OXNAD1: variants seen among roughly 807,000 people sequenced by gnomAD.
OXNAD1 encodes oxidoreductase NAD binding domain containing 1.
In OXNAD1, 34 loss-of-function variants were observed where a neutral mutation model predicts 32.9. That is an observed-to-expected ratio of 1.03 (90% CI 0.79 to 1.38). The LOEUF is 1.38. OXNAD1 is among the 40% of genes most tolerant of loss of function. The pLI is 0.00. For missense variants in OXNAD1, 407 were observed against 379.4 expected (o/e 1.07, Z -0.60); for synonymous variants, 134 against 135.2 (o/e 0.99, Z 0.06).
rs1029445002 is a variant in OXNAD1 at position 16,326,636 on chromosome 3, C to T, written c.*31-10476C>T. Reference sequence around the variant, plus strand: ...ATGTGAAATTCTGGCTCTGCTGCTTCCCAGTGGGAGAGTTTACATAACTAC... The same window carrying T: ...ATGTGAAATTCTGGCTCTGCTGCTTTCCAGTGGGAGAGTTTACATAACTAC... On this transcript the variant is annotated intron_variant, in intron 9 of 9. Coordinates refer to the OXNAD1 transcript ENST00000435829. 11 of 655,486 alleles carry T rather than the reference C, an allele frequency of 1.7e-5. No homozygotes were observed. The Admixed American group carries it at 2.9e-4, about 17-fold the overall frequency. 40.6% of individuals were successfully genotyped at this position (655,486 alleles called of 1,614,324 possible).
rs1330250175 is a variant in OXNAD1, at chr3:16,320,167, T to A, written c.*30+16575T>A. ...TAAAAACTGCCCATGATGTGTCCACTTCAAGTAGTTTAGCTGGAAGGAAGT... is the reference window on the plus strand; with the variant it reads ...TAAAAACTGCCCATGATGTGTCCACATCAAGTAGTTTAGCTGGAAGGAAGT... On this transcript the variant is annotated intron_variant, in intron 9 of 9. Coordinates refer to the OXNAD1 transcript ENST00000435829. This position sits in a 1 kb window ranked among gnomAD's most constrained non-coding sequence, Gnocchi z 4.5. Among the ~76,000 whole-genome samples the A allele has an allele frequency of 6.6e-6, 1 of 152,242 alleles. No individual in the cohort carries two copies. Among genetic ancestry groups the A allele is most frequent in the Non-Finnish European group, 1.5e-5 (1 of 68,032 alleles).
Position 16,317,260 on chromosome 3 carries a change from T to C in OXNAD1, c.*30+13668T>C. ...AGAAATCAGAAAGGATGGGGATAAA[T>C]AACAAGCCTCCGGGAACCCAGAGCT... On this transcript the variant is annotated intron_variant, in intron 9 of 9. Transcript: ENST00000435829. This position sits in a 1 kb window ranked among gnomAD's most constrained non-coding sequence, Gnocchi z 4.3. 1 of 1,606,138 alleles carries C rather than the reference T, an allele frequency of 6.2e-7. No individual in the cohort carries two copies. Among genetic ancestry groups the C allele is most frequent in the Non-Finnish European group, 8.5e-7 (1 of 1,179,354 alleles).
In OXNAD1 at chr3:16,302,872, G is replaced by A; in HGVS notation, c.784+124G>A. The A allele has an allele frequency of 4.0e-6, 3 of 740,936 alleles. No individual in the cohort carries two copies. In the South Asian group the frequency reaches 4.9e-5, roughly 12 times the overall value. The allele number at this position is 740,936 out of a possible 1,614,324, so 45.9% of individuals were successfully genotyped here. On this transcript the variant is annotated intron_variant, in intron 8 of 8. Transcript: ENST00000285083. The surrounding 1 kb of genome is among the most constrained non-coding windows in gnomAD (Gnocchi z 4.2). ...TGGGAATGTCACTATCTGGGGAATT[G>A]GGATGATTCCTCATGGAAAAATGGA... is the stretch of plus-strand genomic sequence containing the variant.
At chr3:16,270,787 G>A (rs979430843) in intron 2 of OXNAD1, 158 bp from the exon 3 acceptor site, 1 of 973,212 alleles carries the variant, frequency 1.0e-6, no homozygotes, top group Admixed American at 2.9e-5. Context: ...CAGAAATTTT[G>A]TCAAGGTGAA....
rs2067216312 is a variant in OXNAD1 at position 16,301,947 on chromosome 3, G to C, written c.675+79G>C. On this transcript the variant is annotated intron_variant, in intron 7 of 8. Transcript: ENST00000285083. The surrounding 1 kb of genome is among the most constrained non-coding windows in gnomAD (Gnocchi z 4.1). ...CATGAAAGTTTTTTCTCTAGGTTTTGTTTTCTCTGCAAAGGTTCAAACAAA... is the reference window on the plus strand; with the variant it reads ...CATGAAAGTTTTTTCTCTAGGTTTTCTTTTCTCTGCAAAGGTTCAAACAAA... 3 of 1,525,422 alleles carry C rather than the reference G, an allele frequency of 2.0e-6. No homozygotes were observed. Among genetic ancestry groups the C allele is most frequent in the Non-Finnish European group, 2.6e-6 (3 of 1,134,444 alleles). The allele number at this position is 1,525,422 out of a possible 1,614,324, so 94.5% of individuals were successfully genotyped here.
rs2125082109 is a variant in OXNAD1 at position 16,298,469 on chromosome 3, A to G, written c.433-3157A>G. ...AGGCTGTAGAAAATCTCAAAGTGTT[A>G]TTGCCTGAATGCACATCCTAATTGT... On this transcript the variant is annotated intron_variant, in intron 6 of 8. Transcript: ENST00000285083. This position sits in a 1 kb window ranked among gnomAD's most constrained non-coding sequence, Gnocchi z 5.1. Among the ~76,000 whole-genome samples the G allele has an allele frequency of 6.6e-6, 1 of 152,212 alleles. No individual in the cohort carries two copies. Among genetic ancestry groups the G allele is most frequent in the East Asian group, 1.9e-4 (1 of 5,180 alleles).
At position 16,334,029 on chromosome 3, in the gene OXNAD1, G is replaced by A. The variant is rs1196489092; in HGVS notation, c.*31-3083G>A. ...AAATTTAAAAAATTAGCCGGGCATG[G>A]TGGCGGGTGCCTGTAGTCCCAGCTA... is the stretch of plus-strand genomic sequence containing the variant. On this transcript the variant is annotated intron_variant, in intron 9 of 9. Transcript: ENST00000435829. This position sits in a 1 kb window ranked among gnomAD's most constrained non-coding sequence, Gnocchi z 4.3. 1.3e-5 allele frequency among the ~76,000 whole-genome samples: 2 copies of A among 152,172 alleles called. No homozygotes were observed. Among genetic ancestry groups the A allele is most frequent in the African/African-American group, 4.8e-5 (2 of 41,444 alleles).
chr3:16,351,391 G>A (rs1429578565), downstream of OXNAD1, among the ~76,000 whole-genome samples: 1 of 152,180 alleles, frequency 6.6e-6, no homozygotes, highest in Non-Finnish European at 1.5e-5. This position sits in a 1 kb window ranked among gnomAD's most constrained non-coding sequence, Gnocchi z 5.4. Context: ...GAAATGTCTT[G>A]ACAGGCTGGG....
At position 16,301,451 on chromosome 3, in the gene OXNAD1, T is replaced by A. The variant is rs556244448; in HGVS notation, c.433-175T>A. Among the ~76,000 whole-genome samples, 31 of 152,330 alleles carry A rather than the reference T, an allele frequency of 2.0e-4. No homozygotes were observed. The highest frequency in any genetic ancestry group is 7.0e-4 in the African/African-American group (29 of 41,572). The stretch of plus-strand genomic sequence containing the variant: ...TACGAAGGTGGATTAGCCTGTGGCC[T>A]ATAAAATGAGCAAGTGGAATCAATT... On this transcript the variant is annotated intron_variant, in intron 6 of 8. Coordinates refer to ENST00000285083, the MANE Select transcript of OXNAD1 (RefSeq NM_138381.5). This position sits in a 1 kb window ranked among gnomAD's most constrained non-coding sequence, Gnocchi z 4.1.
rs564555617 is a variant in OXNAD1 at position 16,327,300 on chromosome 3, G to T, written c.*31-9812G>T. ...CTTACATTTGACAAATGATCAAGTCGTTTATGTCCAGCCACAGCAACACAC... is the reference window on the plus strand; with the variant it reads ...CTTACATTTGACAAATGATCAAGTCTTTTATGTCCAGCCACAGCAACACAC... On this transcript the variant is annotated intron_variant, in intron 9 of 9. Coordinates refer to the OXNAD1 transcript ENST00000435829. The surrounding 1 kb of genome is among the most constrained non-coding windows in gnomAD (Gnocchi z 4.2). Among the ~76,000 whole-genome samples the T allele has an allele frequency of 1.3e-5, 2 of 152,262 alleles. No homozygotes were observed. Among genetic ancestry groups the T allele is most frequent in the African/African-American group, 4.8e-5 (2 of 41,550 alleles).
rs1295250282 is a variant in OXNAD1 at position 16,335,422 on chromosome 3, C to G, written c.*31-1690C>G. Among the ~76,000 whole-genome samples the G allele has an allele frequency of 6.6e-6, 1 of 152,208 alleles. No individual in the cohort carries two copies. The highest frequency in any genetic ancestry group is 1.5e-5 in the Non-Finnish European group (1 of 68,042). ...CATTTTCTTTATCCAGTCCATAATG[C>G]TATGCAGCCTTAAAAAGGAACGAAT... On this transcript the variant is annotated intron_variant, in intron 9 of 9. Transcript: ENST00000435829. This position sits in a 1 kb window ranked among gnomAD's most constrained non-coding sequence, Gnocchi z 4.7.
At chr3:16,282,587 G>A (rs1480995865) in intron 4 of OXNAD1, among the ~76,000 whole-genome samples, 3 of 152,126 alleles carry the variant, frequency 2.0e-5, no homozygotes, top group African/African-American at 7.2e-5. Context: ...ATGAAGAGAA[G>A]AGGGAGGACC....
intron 4 of OXNAD1, among the ~76,000 whole-genome samples, chr3:16,283,575 C>T (rs2065890748): frequency 6.6e-6 from 1 of 152,172 alleles, no homozygotes; most frequent in African/African-American, 2.4e-5. Flanking sequence ...GCTCCTCAGG[C>T]ATTGGCTGCT....
intron 4 of OXNAD1, among the ~76,000 whole-genome samples, chr3:16,285,859 C>G (rs2066038212): frequency 6.6e-6 from 1 of 152,238 alleles, no homozygotes; most frequent in South Asian, 2.1e-4. Context: ...TTAAAAGTTT[C>G]TAAGTGCCTG....
At position 16,297,395 on chromosome 3, in the gene OXNAD1, C is replaced by T. The variant is rs981856473; in HGVS notation, c.432+2398C>T. Among the ~76,000 whole-genome samples the T allele has an allele frequency of 6.6e-6, 1 of 152,178 alleles. No homozygotes were observed. The highest frequency in any genetic ancestry group is 1.9e-4 in the East Asian group (1 of 5,180). ...GAACTCTCATATATTGCTTATATTG[C>T]TAGTGGGAATGCAAAATAGTACAGC... On this transcript the variant is annotated intron_variant, in intron 6 of 8. Transcript: ENST00000285083. This position sits in a 1 kb window ranked among gnomAD's most constrained non-coding sequence, Gnocchi z 4.3.
downstream of OXNAD1, among the ~76,000 whole-genome samples, chr3:16,339,057 A>G (rs184853237): frequency 2.0e-3 from 311 of 152,310 alleles, 3 homozygotes; most frequent in African/African-American, 6.8e-3. Context: ...CTAGCTAACA[A>G]CGAACAGAGC....
intron 9 of OXNAD1, chr3:16,347,500 G>C (rs1451511767): frequency 6.6e-6 from 1 of 152,220 alleles, no homozygotes; most frequent in African/African-American, 2.4e-5. Context: ...GGCATTTCTT[G>C]TCTTGTGGCC....
rs531429379 is a variant in OXNAD1 at position 16,271,078 on chromosome 3, C to T, written c.119+7C>T. The T allele has an allele frequency of 3.0e-5, 48 of 1,613,192 alleles. No individual in the cohort carries two copies. The Admixed American group carries it at 7.9e-4, about 26-fold the overall frequency. On this transcript the variant is annotated splice_region_variant and intron_variant, in intron 3 of 8. Coordinates refer to ENST00000285083, the MANE Select transcript of OXNAD1 (RefSeq NM_138381.5). The surrounding 1 kb of genome is among the most constrained non-coding windows in gnomAD (Gnocchi z 4.6). ...GCCACCTTACTCTAACCAGGTGAGT[C>T]ATTAAGACTTCTGTGTCATTTGAAG...
chr3:16,275,656 G>C (rs182687918), intron 4 of OXNAD1: 68 of 176,904 alleles, frequency 3.8e-4, no homozygotes, highest in African/African-American at 1.5e-3. Flanking sequence ...CCATTTCCCT[G>C]GTTTCTTTTT....
Sources: gnomAD v4.1 joint callset for allele counts (sites outside exome capture counted in the v4.1 genomes callset) on GRCh38, gnomAD v4.1.1 for gene constraint, Gnocchi (gnomAD v3.1) non-coding constraint, MANE v1.5 for transcripts, NCBI Gene and HGNC (gene_info 2026-07-23, HGNC 2026-07-21) for gene names.